Variants in GLRA3 observed in about 807,000 individuals in gnomAD.
The protein encoded by GLRA3 is glycine receptor subunit alpha-3.
GLRA3 carries 44 observed loss-of-function variants against 60.4 expected under a neutral mutation model. That is an observed-to-expected ratio of 0.73 (90% confidence interval 0.57 to 0.94). The LOEUF (loss-of-function observed/expected upper bound fraction) is 0.94. Among genes scored for constraint, GLRA3 ranks in the 40% least tolerant of loss-of-function variants. The probability of loss-of-function intolerance (pLI) is 0.00; values close to 1 mark genes in which losing one functional copy is unlikely to be tolerated. For synonymous variants in GLRA3, 223 were observed against 192.9 expected, an observed-to-expected ratio of 1.16 and a Z score of -1.29; for missense variants, 508 against 564.6, an observed-to-expected ratio of 0.90 and a Z score of 1.02.
intron 2 of GLRA3, among the ~76,000 whole-genome samples, chr4:174,783,042 A>G (rs1738956266): frequency 1.3e-5 from 2 of 152,314 alleles, no homozygotes; most frequent in South Asian, 4.1e-4. Context: ...CAAAGCTGGA[A>G]GCATCACACG....
chr4:174,825,613 A>G (rs888462861), intron 1 of GLRA3, among the ~76,000 whole-genome samples: 1 of 152,100 alleles, frequency 6.6e-6, no homozygotes, highest in African/African-American at 2.4e-5. Context: ...ACTTATCTGC[A>G]TTTCAAAGAA....
rs927008255 is a variant in GLRA3, at chr4:174,804,163, T to G, written c.72-15220A>C. ...TAAAACTCAGTGAAAATTTATAGGA[T>G]GAAGGACTTCTGAAATAGTGCTCCA... On this transcript the variant is annotated intron_variant, in intron 1 of 9. Coordinates refer to ENST00000274093, the MANE Select transcript of GLRA3 (RefSeq NM_006529.4). Among the ~76,000 whole-genome samples, 11 of 152,276 alleles carry G rather than the reference T, an allele frequency of 7.2e-5. No homozygotes were observed. The South Asian group carries it at 8.3e-4, about 11-fold the overall frequency.
intron 1 of GLRA3, among the ~76,000 whole-genome samples, chr4:174,805,413 A>C (rs999599763): frequency 6.6e-6 from 1 of 152,082 alleles, no homozygotes; most frequent in Non-Finnish European, 1.5e-5. Context: ...TGACTCTGGG[A>C]AGCTAATCAT....
chr4:174,698,732 T>C (rs1267264730), intron 5 of GLRA3, among the ~76,000 whole-genome samples: 1 of 152,162 alleles, frequency 6.6e-6, no homozygotes, highest in Admixed American at 6.5e-5. Flanking sequence ...AATAAAATTA[T>C]ATATTTTGTG....
In GLRA3 at chr4:174,828,983, A is replaced by G. The variant is rs1741094456; in HGVS notation, c.-172T>C. On this transcript the variant is annotated 5_prime_UTR_variant, in exon 1 of 10. It removes an upstream start codon present in the reference 5' UTR. Transcript: ENST00000274093. Reference sequence around the variant, plus strand: ...CGCAGTATGCGGACCCCTTCTCAGCATTGAGCAGAAGTGGAGAGTCACAGT... The same window carrying G: ...CGCAGTATGCGGACCCCTTCTCAGCGTTGAGCAGAAGTGGAGAGTCACAGT... The G allele has an allele frequency of 3.3e-6, 2 of 601,552 alleles. No homozygotes were observed. Among genetic ancestry groups the G allele is most frequent in the Non-Finnish European group, 6.0e-6 (2 of 333,464 alleles). The allele number at this position is 601,552 out of a possible 1,614,324, so 37.3% of individuals were successfully genotyped here.
chr4:174,757,291 A>G (rs1737757523), intron 3 of GLRA3, among the ~76,000 whole-genome samples: 1 of 152,072 alleles, frequency 6.6e-6, no homozygotes, highest in South Asian at 2.1e-4. Context: ...ACACACACAC[A>G]CACACACTTC....
chr4:174,688,461 C>A (rs1266632119), intron 5 of GLRA3, among the ~76,000 whole-genome samples: 1 of 149,302 alleles, frequency 6.7e-6, no homozygotes, highest in Non-Finnish European at 1.5e-5. Context: ...GAAGCAGAGA[C>A]TTATTCTGTT....
rs369324609 is a variant in GLRA3 at position 174,643,706 on chromosome 4, G to A, written c.*80C>T. 6.7e-5 allele frequency: 101 copies of A among 1,514,312 alleles called. No homozygotes were observed. Among genetic ancestry groups the A allele is most frequent in the South Asian group, 5.3e-4 (39 of 73,408 alleles). The allele number at this position is 1,514,312 out of a possible 1,614,324, so 93.8% of individuals were successfully genotyped here. On this transcript the variant is annotated 3_prime_UTR_variant, in exon 10 of 10. Coordinates refer to ENST00000274093, the MANE Select transcript of GLRA3 (RefSeq NM_006529.4). ...AATGGTCATCATTTGTATACCACACGCACACATATACACATACACACCTAT... is the reference window on the plus strand; with the variant it reads ...AATGGTCATCATTTGTATACCACACACACACATATACACATACACACCTAT...
chr4:174,708,004 C>T (rs1053442831), intron 5 of GLRA3, among the ~76,000 whole-genome samples: 7 of 152,078 alleles, frequency 4.6e-5, no homozygotes, highest in Non-Finnish European at 7.4e-5. Context: ...TTATAAGTAG[C>T]GAGTTCATTA....
chr4:174,704,267 G>A lies in GLRA3; in HGVS notation c.574+11221C>T, dbSNP rs143068225. ...TGAGGTCACACCACTGCACTCCAGCGCGGGCAACAGAGTCAGACCCTATAT... is the reference window on the plus strand; with the variant it reads ...TGAGGTCACACCACTGCACTCCAGCACGGGCAACAGAGTCAGACCCTATAT... On this transcript the variant is annotated intron_variant, in intron 5 of 9. Transcript: ENST00000274093. 7.2e-3 allele frequency among the ~76,000 whole-genome samples: 1,031 copies of A among 143,466 alleles called. 106 individuals are homozygous for A. The highest frequency in any genetic ancestry group is 0.025 in the African/African-American group (975 of 39,758). The allele number at this position is 143,466 out of a possible 152,430, so 94.1% of individuals were successfully genotyped here. A position where few individuals can be genotyped will look rare whatever the true frequency, so the allele number is the denominator to read the frequency against.
chr4:174,640,254 A>G lies in GLRA3; in HGVS notation c.*3532T>C, dbSNP rs1040563431. The G allele has an allele frequency of 3.3e-5, 5 of 152,080 alleles. No individual in the cohort carries two copies. Among genetic ancestry groups the G allele is most frequent in the Admixed American group, 3.3e-4 (5 of 15,246 alleles). 9.4% of individuals were successfully genotyped at this position (152,080 alleles called of 1,614,324 possible). On this transcript the variant is annotated 3_prime_UTR_variant, in exon 10 of 10. Coordinates refer to ENST00000274093, the MANE Select transcript of GLRA3 (RefSeq NM_006529.4). Reference sequence around the variant, plus strand: ...CAGAGTTTTGTTCTTAGAGTGTTCTAAATTTTTAGGGGACACCTGTGAAAA... The same window carrying G: ...CAGAGTTTTGTTCTTAGAGTGTTCTGAATTTTTAGGGGACACCTGTGAAAA...
chr4:174,715,764 G>A (rs1735895701), intron 4 of GLRA3, among the ~76,000 whole-genome samples, 194 bp from the exon 5 acceptor site: 1 of 152,066 alleles, frequency 6.6e-6, no homozygotes, highest in South Asian at 2.1e-4. Context: ...GCTGGGGGTT[G>A]GATAATTGCA....
At chr4:174,740,831 T>C (rs779559327) in intron 3 of GLRA3, among the ~76,000 whole-genome samples, 17 of 152,202 alleles carry the variant, frequency 1.1e-4, no homozygotes, top group Admixed American at 1.3e-4. Context: ...TTGCCTTTTC[T>C]AGAATGTTGT....
At chr4:174,714,109 TG>T (rs1735819494) in intron 5 of GLRA3, among the ~76,000 whole-genome samples, 1 of 152,218 alleles carries the variant, frequency 6.6e-6, no homozygotes, top group Non-Finnish European at 1.5e-5. Flanking sequence ...GTTCTTTTTC[TG>T]GAAAATTATG....
At chr4:174,735,460 C>T (rs1285036163) in intron 3 of GLRA3, among the ~76,000 whole-genome samples, 1 of 152,188 alleles carries the variant, frequency 6.6e-6, no homozygotes, top group African/African-American at 2.4e-5. Context: ...AGAATATTGT[C>T]TCTGGATTGA....
In GLRA3 at chr4:174,693,363, A is replaced by G. The variant is rs1001917637; in HGVS notation, c.575-10424T>C. Among the ~76,000 whole-genome samples the G allele has an allele frequency of 7.9e-5, 12 of 152,242 alleles. No homozygotes were observed. The East Asian group carries it at 2.1e-3, about 27-fold the overall frequency. ...GGTGTAAGGAAGGGGTCCAGCTTCAATCTTTTGCATATCACTAGCCAGTTA... is the reference window on the plus strand; with the variant it reads ...GGTGTAAGGAAGGGGTCCAGCTTCAGTCTTTTGCATATCACTAGCCAGTTA... On this transcript the variant is annotated intron_variant, in intron 5 of 9. Transcript: ENST00000274093.
intron 5 of GLRA3, among the ~76,000 whole-genome samples, chr4:174,708,192 G>A (rs1735582785): frequency 1.3e-5 from 2 of 152,250 alleles, no homozygotes. Flanking sequence ...GCTTGGATAA[G>A]AGTAGAGACT....
chr4:174,825,976 G>A (rs1396856308), intron 1 of GLRA3, among the ~76,000 whole-genome samples: 3 of 152,090 alleles, frequency 2.0e-5, no homozygotes, highest in African/African-American at 4.8e-5. Context: ...ACTGATATAA[G>A]TGTAAAAACA....
chr4:174,791,845 G>A (rs2111313970), intron 1 of GLRA3, among the ~76,000 whole-genome samples: 1 of 152,270 alleles, frequency 6.6e-6, no homozygotes. Context: ...TTTCTCCCCA[G>A]AGTTTGGTGT....
Sources: allele counts gnomAD v4.1 joint callset (sites outside exome capture counted in the v4.1 genomes callset), GRCh38; gene constraint gnomAD v4.1.1; transcripts MANE v1.5; gene names NCBI Gene and HGNC (gene_info 2026-07-23, HGNC 2026-07-21).